The following LTBP2 variants were observed in gnomAD, a reference collection of about 807,000 sequenced individuals.
LTBP2 encodes latent transforming growth factor beta binding protein 2, also known as latent-transforming growth factor beta-binding protein 2.
LTBP2 carries 103 observed loss-of-function variants against 210.6 expected under a neutral mutation model. That is an observed-to-expected ratio of 0.49 (90% CI 0.42 to 0.58). The LOEUF is 0.58. Among genes scored for constraint, LTBP2 ranks in the 20% least tolerant of loss-of-function variants. The probability of loss-of-function intolerance (pLI) is 0.00; values close to 1 mark genes in which losing one functional copy is unlikely to be tolerated. For missense variants in LTBP2, 2,313 were observed against 2,494.5 expected (o/e 0.93, Z 1.55); for synonymous variants, 1,007 against 1,015.0 (o/e 0.99, Z 0.15).
At chr14:74,513,480 T>G (rs931383182) in intron 18 of LTBP2, among the ~76,000 whole-genome samples, 1 of 152,230 alleles carries the variant, frequency 6.6e-6, no homozygotes, top group Non-Finnish European at 1.5e-5. Flanking sequence ...CAGCTGACCC[T>G]TGATGGACAT....
chr14:74,612,003 A>C lies in LTBP2; in HGVS notation c.-59T>G, dbSNP rs1427811656. ...CACCGCGAAGAGCTTTGTGGTCGGC[A>C]CGCTGGACGCCCGCGGGCTGTTCTC... is the stretch of plus-strand genomic sequence containing the variant. On this transcript the variant is annotated 5_prime_UTR_variant, in exon 1 of 36. Transcript: ENST00000261978. The C allele has an allele frequency of 6.9e-7, 1 of 1,448,794 alleles. No homozygotes were observed. The highest frequency in any genetic ancestry group is 1.5e-5 in the African/African-American group (1 of 68,132). The allele number at this position is 1,448,794 out of a possible 1,614,324, so 89.7% of individuals were successfully genotyped here.
intron 34 of LTBP2, 141 bp from the exon 35 acceptor site, chr14:74,501,731 G>A: frequency 9.9e-7 from 1 of 1,010,954 alleles, no homozygotes; most frequent in Non-Finnish European, 1.5e-6. Flanking sequence ...TAAAATTCTT[G>A]TGGAAAGATG....
chr14:74,522,103 C>T (rs1390807292), intron 16 of LTBP2, 64 bp from the exon 17 acceptor site: 15 of 1,558,224 alleles, frequency 9.6e-6, no homozygotes, highest in African/African-American at 1.4e-5. Context: ...TGGGCACCTA[C>T]CAGCAACCTG....
At chr14:74,597,988 A>AT (rs2088392319) in intron 2 of LTBP2, among the ~76,000 whole-genome samples, 3 of 152,196 alleles carry the variant, frequency 2.0e-5, no homozygotes, top group African/African-American at 7.2e-5. Flanking sequence ...ACTGCTTTAC[A>AT]TGTATTACCT....
At chr14:74,602,909 G>A (rs1407798887) in intron 2 of LTBP2, among the ~76,000 whole-genome samples, 1 of 152,240 alleles carries the variant, frequency 6.6e-6, no homozygotes, top group Non-Finnish European at 1.5e-5. Context: ...CCAGGGCAGA[G>A]GTGGATTCTC....
chr14:74,588,307 C>T (rs903549320), intron 2 of LTBP2, among the ~76,000 whole-genome samples: 1 of 152,176 alleles, frequency 6.6e-6, no homozygotes, highest in Admixed American at 6.5e-5. Context: ...CCACAAACTC[C>T]GCCTCCCAGA....
chr14:74,608,579 G>A (rs1475745494), intron 1 of LTBP2, among the ~76,000 whole-genome samples: 1 of 151,820 alleles, frequency 6.6e-6, no homozygotes, highest in East Asian at 1.9e-4. Flanking sequence ...GTGTGGTGAC[G>A]TGCGCCCATA....
intron 8 of LTBP2, among the ~76,000 whole-genome samples, chr14:74,540,870 T>C (rs2087495314): frequency 1.3e-5 from 1 of 77,742 alleles, no homozygotes; most frequent in African/African-American, 4.3e-5. Flanking sequence ...TATATATTTA[T>C]ATATATAATA....
At chr14:74,529,843 T>C (rs1466456287) in intron 10 of LTBP2, among the ~76,000 whole-genome samples, 1 of 152,216 alleles carries the variant, frequency 6.6e-6, no homozygotes, top group Admixed American at 6.5e-5. Context: ...GAGGAGGCCA[T>C]GCCAGGTTGG....
chr14:74,522,530 C>A (rs554219596), intron 16 of LTBP2, among the ~76,000 whole-genome samples: 75 of 152,220 alleles, frequency 4.9e-4, no homozygotes, highest in African/African-American at 1.8e-3. Context: ...GGCTGCCAGG[C>A]ACAGGCCAGG....
At chr14:74,583,549 C>T (rs2088164790) in intron 3 of LTBP2, among the ~76,000 whole-genome samples, 1 of 152,248 alleles carries the variant, frequency 6.6e-6, no homozygotes, top group African/African-American at 2.4e-5. Flanking sequence ...GCCAGGGAGC[C>T]TGTGAAAGTC....
intron 3 of LTBP2, among the ~76,000 whole-genome samples, chr14:74,579,681 T>C (rs1475786152): frequency 6.6e-6 from 1 of 152,198 alleles, no homozygotes; most frequent in Non-Finnish European, 1.5e-5. Context: ...GCTGCCCTGG[T>C]GCCCTGGCCC....
chr14:74,567,974 C>T (rs950956680), intron 3 of LTBP2, among the ~76,000 whole-genome samples: 3 of 152,172 alleles, frequency 2.0e-5, no homozygotes, highest in Admixed American at 6.5e-5. Context: ...CAACGTGCAC[C>T]GTCCCATCAG....
At chr14:74,596,908 C>T (rs771037732) in intron 2 of LTBP2, among the ~76,000 whole-genome samples, 3 of 151,852 alleles carry the variant, frequency 2.0e-5, no homozygotes, top group African/African-American at 4.8e-5. Flanking sequence ...AGACATCAAG[C>T]GCAGATGTTG....
Position 74,505,124 on chromosome 14 carries a change from G to C in LTBP2, c.4228C>G (p.Arg1410Gly), listed in dbSNP as rs781322410. Residue 1410 changes from arginine to glycine, a missense_variant, in exon 29 of 36, where the codon CGC becomes GGC. Coordinates refer to ENST00000261978, the MANE Select transcript of LTBP2 (RefSeq NM_000428.3). ...TTCTGCCCGGAGTAGCAGTCCATGC[G>C]GGTGGGGGCCGGGGCATGGTCCCCC... ...PTGDHAPAPT[R>G]MDCYSGQKGH... is the part of the protein sequence containing the mutation. The C allele has an allele frequency of 6.2e-7, 1 of 1,613,740 alleles. No individual in the cohort carries two copies. The highest frequency in any genetic ancestry group is 8.5e-7 in the Non-Finnish European group (1 of 1,180,036).
In LTBP2 at chr14:74,528,691, G is replaced by A. The variant is rs74758312; in HGVS notation, c.2160C>T (p.Phe720=). 437 of 1,611,916 alleles carry A rather than the reference G, an allele frequency of 2.7e-4. 1 individual carries two copies. In the East Asian group the frequency reaches 8.1e-3, roughly 30 times the overall value. Residue 720 remains phenylalanine, a synonymous_variant, in exon 12 of 36, where the codon TTC becomes TTT. Coordinates refer to ENST00000261978, the MANE Select transcript of LTBP2 (RefSeq NM_000428.3). ...CGTGGCCGGCAGGGCAGATCTCTCT[G>A]AAGGCCTCTGCAAAGCCAACAGCCA... ...EKCPLPGTEA[F]REICPAGHGY...
rs779076402 is a variant in LTBP2, at chr14:74,552,377, G to A, written c.1209C>T (p.Pro403=). The part of the protein sequence containing the change: ...SGFRIYFCQI[P]CLNGGRCIGR... ...CGATGCAGCGGCCTCCGTTCAGGCA[G>A]GGGATCTGGCAGAAATCTGCAACAT... is the stretch of plus-strand genomic sequence containing the variant. Residue 403 remains proline, a synonymous_variant, in exon 6 of 36, where the codon CCC becomes CCT. Transcript: ENST00000261978. The A allele has an allele frequency of 1.2e-5, 19 of 1,607,820 alleles. No individual in the cohort carries two copies. In the African/African-American group the frequency reaches 1.7e-4, roughly 15 times the overall value.
intron 5 of LTBP2, 40 bp from the exon 6 acceptor site, chr14:74,552,433 C>G: frequency 1.3e-6 from 2 of 1,570,922 alleles, no homozygotes; most frequent in South Asian, 2.2e-5. Flanking sequence ...GGTGGAAGAA[C>G]AGCAGCACCC....
Position 74,604,602 on chromosome 14 carries a change from A to G in LTBP2, c.495-897T>C, listed in dbSNP as rs2088498481. ...ACTATATCGCCCAGGCTGGAGTGCA[A>G]TGTCGTGATCTCGGCTCATGGCAAC... is the stretch of plus-strand genomic sequence containing the variant. On this transcript the variant is annotated intron_variant, in intron 1 of 35. Transcript: ENST00000261978. Among the ~76,000 whole-genome samples the G allele has an allele frequency of 2.7e-5, 4 of 150,860 alleles. No individual in the cohort carries two copies. The South Asian group carries it at 8.4e-4, about 32-fold the overall frequency.
Sources: allele counts gnomAD v4.1 joint callset (sites outside exome capture counted in the v4.1 genomes callset), GRCh38; gene constraint gnomAD v4.1.1; transcripts MANE v1.5; gene names NCBI Gene and HGNC (gene_info 2026-07-23, HGNC 2026-07-21).